Variants in ZNF248 observed in about 807,000 individuals in gnomAD.
ZNF248 encodes the protein KRAB protein domain.
A neutral mutation model predicts 44.3 loss-of-function variants in ZNF248; 20 were observed. That is an observed-to-expected ratio of 0.45 (90% CI 0.32 to 0.66). The LOEUF is 0.66. ZNF248 is among the 30% of genes least tolerant of loss of function. The pLI, the probability that ZNF248 is intolerant of heterozygous loss-of-function variation, is 0.04. For missense variants in ZNF248, 654 were observed against 677.0 expected, an observed-to-expected ratio of 0.97 and a Z score of 0.38; for synonymous variants, 224 against 229.0, an observed-to-expected ratio of 0.98 and a Z score of 0.20.
intron 6 of ZNF248, chr10:37,820,820 C>G (rs1292888148): frequency 1.9e-5 from 23 of 1,184,944 alleles, no homozygotes; most frequent in Admixed American, 6.9e-5. Flanking sequence ...CCTGATTTTC[C>G]AACTCTTGAA....
intron 6 of ZNF248, among the ~76,000 whole-genome samples, chr10:37,796,686 T>C (rs2049193386): frequency 6.6e-6 from 1 of 151,976 alleles, no homozygotes; most frequent in Non-Finnish European, 1.5e-5. Context: ...CCTTTCAGTA[T>C]TCTAGGTTAC....
intron 3 of ZNF248, among the ~76,000 whole-genome samples, chr10:37,840,799 A>C (rs893366124): frequency 6.6e-6 from 1 of 152,128 alleles, no homozygotes; most frequent in East Asian, 1.9e-4. Flanking sequence ...AAAAAGAAAA[A>C]AAGAAAACCA....
intron 6 of ZNF248, among the ~76,000 whole-genome samples, chr10:37,816,982 G>A (rs1406605445): frequency 6.6e-6 from 1 of 152,112 alleles, no homozygotes; most frequent in African/African-American, 2.4e-5. Context: ...CTGAGATAGA[G>A]CCTGTGTCAT....
At chr10:37,799,232 T>C (rs1564486758) in intron 6 of ZNF248, among the ~76,000 whole-genome samples, 1 of 151,628 alleles carries the variant, frequency 6.6e-6, no homozygotes, top group Non-Finnish European at 1.5e-5. Context: ...TAATATATAA[T>C]AAAAAACCTA....
At chr10:37,799,293 A>G (rs2049515573) in intron 6 of ZNF248, among the ~76,000 whole-genome samples, 1 of 152,200 alleles carries the variant, frequency 6.6e-6, no homozygotes, top group African/African-American at 2.4e-5. Context: ...ATAAATGTGT[A>G]TCCAAAATTG....
chr10:37,812,360 A>G (rs2051652891), intron 6 of ZNF248, among the ~76,000 whole-genome samples: 2 of 152,162 alleles, frequency 1.3e-5, no homozygotes, highest in South Asian at 4.1e-4. Context: ...ACTAAGGAAG[A>G]GAAATGGACA....
intron 6 of ZNF248, among the ~76,000 whole-genome samples, chr10:37,781,179 G>T (rs1226366376): frequency 1.3e-5 from 2 of 152,122 alleles, no homozygotes; most frequent in African/African-American, 4.8e-5. Flanking sequence ...AGATGTCTAT[G>T]GTCTTTACCT....
chr10:37,781,602 C>T (rs1261732667), intron 6 of ZNF248, among the ~76,000 whole-genome samples: 1 of 152,196 alleles, frequency 6.6e-6, no homozygotes, highest in African/African-American at 2.4e-5. Context: ...TGGGCCTCCT[C>T]GGGGACTTCA....
At chr10:37,824,673 A>ATTTTTTTTTTTTTTTTTTT (rs755411927), downstream of ZNF248, among the ~76,000 whole-genome samples, 93 of 79,728 alleles carry the variant, frequency 1.2e-3, 19 homozygotes, top group Admixed American at 2.2e-3. Context: ...ATTATTTTAA[A>ATTTTTTTTTTTTTTTTTTT]TTTTTTTTTT....
chr10:37,825,753 A>G (rs910948429), downstream of ZNF248, among the ~76,000 whole-genome samples: 1 of 152,098 alleles, frequency 6.6e-6, no homozygotes, highest in Admixed American at 6.5e-5. Flanking sequence ...CACATTTCCA[A>G]ACTTTGAATG....
chr10:37,779,434 T>C (rs2047012798), intron 6 of ZNF248, among the ~76,000 whole-genome samples: 1 of 152,168 alleles, frequency 6.6e-6, no homozygotes, highest in South Asian at 2.1e-4. Context: ...TCTCAATAGA[T>C]GCAGAAAAGG....
chr10:37,824,366 T>C (rs936698941), downstream of ZNF248, among the ~76,000 whole-genome samples: 4 of 152,100 alleles, frequency 2.6e-5, no homozygotes, highest in Non-Finnish European at 4.4e-5. Flanking sequence ...CCCTCACAGA[T>C]ATACCGAGAA....
chr10:37,847,849 G>T (rs1364248844), intron 3 of ZNF248, among the ~76,000 whole-genome samples: 1 of 152,102 alleles, frequency 6.6e-6, no homozygotes, highest in African/African-American at 2.4e-5. Context: ...GTACATGGGG[G>T]TTAATATATT....
chr10:37,843,289 G>T (rs949815354), intron 3 of ZNF248, among the ~76,000 whole-genome samples: 1 of 152,012 alleles, frequency 6.6e-6, no homozygotes, highest in Non-Finnish European at 1.5e-5. Context: ...GCTGGGCGTG[G>T]TGGCGCATGC....
Position 37,831,869 on chromosome 10 carries a change from C to G in ZNF248, c.1486G>C (p.Glu496Gln), listed in dbSNP as rs771117257. Residue 496 changes from glutamate to glutamine, a missense_variant, in exon 6 of 6, where the codon GAA becomes CAA. Glu to Gln is a conservative substitution (Grantham distance 29). Coordinates refer to ENST00000395867, the MANE Select transcript of ZNF248 (RefSeq NM_021045.3). ...HTGEKPFICN[E>Q]CGKSFCVKSN... ...TTCACACAGAAGGATTTTCCACATTCATTACATATAAACGGTTTCTCCCCT... is the reference window on the plus strand; with the variant it reads ...TTCACACAGAAGGATTTTCCACATTGATTACATATAAACGGTTTCTCCCCT... 2 of 1,613,970 alleles carry G rather than the reference C, an allele frequency of 1.2e-6. No homozygotes were observed. Among genetic ancestry groups the G allele is most frequent in the African/African-American group, 2.7e-5 (2 of 74,982 alleles).
At chr10:37,773,783 C>T (rs1466957409), downstream of ZNF248, among the ~76,000 whole-genome samples, 2 of 152,150 alleles carry the variant, frequency 1.3e-5, no homozygotes, top group African/African-American at 4.8e-5. Flanking sequence ...CTAATGGTCT[C>T]ATTTTAACCT....
chr10:37,766,433 CA>C, the ZNF248 span, among the ~76,000 whole-genome samples: 5 of 152,186 alleles, frequency 3.3e-5, no homozygotes, highest in African/African-American at 1.2e-4. Context: ...GATCAGGCAG[CA>C]GCATTTGCGG....
intron 6 of ZNF248, chr10:37,795,994 T>C (rs1411917243): frequency 1.3e-5 from 2 of 152,212 alleles, no homozygotes; most frequent in Non-Finnish European, 2.9e-5. Context: ...ATTTTACGTT[T>C]GTTATGAATT....
At chr10:37,790,687 C>T (rs894837056) in intron 6 of ZNF248, among the ~76,000 whole-genome samples, 4 of 149,158 alleles carry the variant, frequency 2.7e-5, no homozygotes, top group Non-Finnish European at 6.0e-5. Flanking sequence ...TCCAGCCTGG[C>T]GACAGAGCGA....
Sources: allele counts gnomAD v4.1 joint callset (sites outside exome capture counted in the v4.1 genomes callset), GRCh38; gene constraint gnomAD v4.1.1; transcripts MANE v1.5; gene names NCBI Gene and HGNC (gene_info 2026-07-23, HGNC 2026-07-21).